The following TRPC4 variants were observed in gnomAD, a reference collection of about 807,000 sequenced individuals.
TRPC4 encodes transient receptor potential cation channel subfamily C member 4, also known as short transient receptor potential channel 4.
In TRPC4, 49 loss-of-function variants were observed where a neutral mutation model predicts 99.4. The ratio of observed to expected loss-of-function variants is 0.49; its 90% CI spans 0.39 to 0.63. The LOEUF is 0.63. Among genes scored for constraint, TRPC4 ranks in the 20% least tolerant of loss-of-function variants. TRPC4 has a pLI of 0.00. For synonymous variants in TRPC4, 454 were observed against 425.9 expected (o/e 1.07, Z -0.81); for missense variants, 898 against 1,152.9 (o/e 0.78, Z 3.20).
chr13:37,703,041 G>A (rs1954153141), intron 3 of TRPC4, among the ~76,000 whole-genome samples: 1 of 152,108 alleles, frequency 6.6e-6, no homozygotes, highest in Non-Finnish European at 1.5e-5. Flanking sequence ...TGTACCCTTA[G>A]TAAAGAATTC....
chr13:37,779,324 C>T lies in TRPC4; in HGVS notation c.378+3632G>A, dbSNP rs140438189. Among the ~76,000 whole-genome samples the T allele has an allele frequency of 2.6e-3, 395 of 151,988 alleles. 2 individuals carry two copies. Among genetic ancestry groups the T allele is most frequent in the African/African-American group, 9.0e-3 (375 of 41,514 alleles). Reference sequence around the variant, plus strand: ...TTAAAGCCAAGTTCAGTAAATTCATCAGAGACTATCAGTGCAATGATTCCT... The same window carrying T: ...TTAAAGCCAAGTTCAGTAAATTCATTAGAGACTATCAGTGCAATGATTCCT... On this transcript the variant is annotated intron_variant, in intron 2 of 10. Transcript: ENST00000379705.
In TRPC4 at chr13:37,633,682, AAGTG is replaced by A. The variant is rs1219893588; in HGVS notation, c.*3217_*3220del. ...AGTTGCTGTCTACGTCAAGGCAAGA[AAGTG>A]AGTATGTTTTTGCATTAGTTTAATT... On this transcript the variant is annotated 3_prime_UTR_variant, in exon 11 of 11. Coordinates refer to ENST00000379705, the MANE Select transcript of TRPC4 (RefSeq NM_016179.4). Among the ~76,000 whole-genome samples, 1 of 152,162 alleles carries A rather than the reference AAGTG, an allele frequency of 6.6e-6. No individual in the cohort carries two copies. Among genetic ancestry groups the A allele is most frequent in the African/African-American group, 2.4e-5 (1 of 41,458 alleles).
At chr13:37,648,101 C>G (rs1030394593) in intron 8 of TRPC4, among the ~76,000 whole-genome samples, 1 of 152,026 alleles carries the variant, frequency 6.6e-6, no homozygotes, top group Non-Finnish European at 1.5e-5. Context: ...TGCCACCACG[C>G]GCAGCTAATT....
At chr13:37,801,997 C>T (rs770521583) in intron 1 of TRPC4, among the ~76,000 whole-genome samples, 17 of 151,986 alleles carry the variant, frequency 1.1e-4, no homozygotes, top group Admixed American at 3.9e-4. Context: ...GAAGATAATT[C>T]TATAGTTATG....
chr13:37,832,023 A>T, intron 1 of TRPC4, among the ~76,000 whole-genome samples: 1 of 152,204 alleles, frequency 6.6e-6, no homozygotes, highest in East Asian at 1.9e-4. Context: ...AAATCAATAA[A>T]AGAATATATT....
chr13:37,723,048 C>A (rs190990369), intron 3 of TRPC4, among the ~76,000 whole-genome samples: 1 of 152,216 alleles, frequency 6.6e-6, no homozygotes, highest in African/African-American at 2.4e-5. Context: ...AAATGAGTCC[C>A]ATAAAAATAC....
At chr13:37,684,597 A>G (rs1477159571) in intron 4 of TRPC4, among the ~76,000 whole-genome samples, 2 of 152,076 alleles carry the variant, frequency 1.3e-5, no homozygotes, top group African/African-American at 4.8e-5. Flanking sequence ...CAAGGAATAA[A>G]TATTTCTCCA....
intron 1 of TRPC4, among the ~76,000 whole-genome samples, chr13:37,869,190 C>T (rs141456860): frequency 6.6e-6 from 1 of 152,188 alleles, no homozygotes; most frequent in East Asian, 1.9e-4. Flanking sequence ...CACCCAGATG[C>T]CCCCGAGATC....
At chr13:37,866,846 TGG>T (rs137927414) in intron 1 of TRPC4, among the ~76,000 whole-genome samples, 3 of 105,020 alleles carry the variant, frequency 2.9e-5, no homozygotes, top group Non-Finnish European at 5.7e-5. Context: ...TTATTTTTTG[TGG>T]GGGGGGGCGG....
chr13:37,764,366 G>A (rs1039335990), intron 2 of TRPC4, among the ~76,000 whole-genome samples: 1 of 150,434 alleles, frequency 6.6e-6, no homozygotes, highest in Non-Finnish European at 1.5e-5. Context: ...CCTGATGCTA[G>A]TGTTTATAAT....
At chr13:37,849,210 T>A (rs1397863537) in intron 1 of TRPC4, among the ~76,000 whole-genome samples, 1 of 152,202 alleles carries the variant, frequency 6.6e-6, no homozygotes, top group African/African-American at 2.4e-5. Context: ...TCTAGCTTAT[T>A]ATGTCATTGT....
At chr13:37,848,694 T>C (rs572915507) in intron 1 of TRPC4, among the ~76,000 whole-genome samples, 10 of 152,172 alleles carry the variant, frequency 6.6e-5, no homozygotes, top group Admixed American at 2.0e-4. Flanking sequence ...GAAATTATTA[T>C]CAAGAACAAC....
chr13:37,704,684 A>G (rs996629427), intron 3 of TRPC4, among the ~76,000 whole-genome samples: 1 of 152,134 alleles, frequency 6.6e-6, no homozygotes, highest in African/African-American at 2.4e-5. Flanking sequence ...GTCTGTTCCT[A>G]TTTTGCTGGT....
intron 2 of TRPC4, among the ~76,000 whole-genome samples, chr13:37,755,282 AG>A (rs1191353205): frequency 6.6e-6 from 1 of 151,160 alleles, no homozygotes; most frequent in Non-Finnish European, 1.5e-5. Flanking sequence ...AAAAAAAAGA[AG>A]AAATAGGGTC....
chr13:37,735,205 G>A (rs74047142), intron 3 of TRPC4, among the ~76,000 whole-genome samples: 6,193 of 152,044 alleles, frequency 0.041, 337 homozygotes, highest in African/African-American at 0.13. Flanking sequence ...AACAGGGTGA[G>A]GAATAAGTAA....
At chr13:37,743,486 C>G (rs1955650384) in intron 3 of TRPC4, among the ~76,000 whole-genome samples, 1 of 151,980 alleles carries the variant, frequency 6.6e-6, no homozygotes, top group African/African-American at 2.4e-5. Context: ...AAAGAAAACA[C>G]GTTCAGTAAG....
intron 1 of TRPC4, among the ~76,000 whole-genome samples, chr13:37,817,388 T>C (rs141149205): frequency 0.01 from 1,562 of 151,952 alleles, 15 homozygotes; most frequent in Non-Finnish European, 0.015. Flanking sequence ...CACAAACAAA[T>C]GGAAAAACAT....
intron 1 of TRPC4, among the ~76,000 whole-genome samples, chr13:37,792,177 G>A (rs1957138863): frequency 6.6e-6 from 1 of 152,090 alleles, no homozygotes; most frequent in Non-Finnish European, 1.5e-5. Context: ...CAAGGAAAGT[G>A]GACACATTAA....
chr13:37,766,379 G>A (rs370255193), intron 2 of TRPC4, among the ~76,000 whole-genome samples: 38 of 150,996 alleles, frequency 2.5e-4, no homozygotes, highest in African/African-American at 8.2e-4. Context: ...CTGTTGCAAC[G>A]AAATTAACGC....
Sources: allele counts gnomAD v4.1 joint callset (sites outside exome capture counted in the v4.1 genomes callset), GRCh38; gene constraint gnomAD v4.1.1; transcripts MANE v1.5; gene names NCBI Gene and HGNC (gene_info 2026-07-23, HGNC 2026-07-21).